SEMA4F: variants seen among roughly 807,000 people sequenced by gnomAD.
SEMA4F encodes the protein ssemaphorin 4F, also known as semaphorin-4F.
In SEMA4F, 51 loss-of-function variants were observed where a neutral mutation model predicts 78.4. That is an observed-to-expected ratio of 0.65 (90% CI 0.52 to 0.82). The LOEUF (loss-of-function observed/expected upper bound fraction) is 0.82, where lower values mean the gene tolerates loss of function less well. SEMA4F is among the 40% of genes least tolerant of loss of function. The pLI is 0.00. For synonymous variants in SEMA4F, 418 were observed against 408.7 expected, an observed-to-expected ratio of 1.02 and a Z score of -0.27; for missense variants, 938 against 1,014.4, an observed-to-expected ratio of 0.92 and a Z score of 1.02.
the SEMA4F span, among the ~76,000 whole-genome samples, chr2:74,705,006 A>G: frequency 6.6e-6 from 1 of 152,190 alleles, no homozygotes; most frequent in African/African-American, 2.4e-5. Context: ...CACTCATCCT[A>G]GAAGGGAAAG....
Position 74,654,553 on chromosome 2 carries a change from T to C in SEMA4F, c.145+32T>C, listed in dbSNP as rs753822083. 5 of 1,515,164 alleles carry C rather than the reference T, an allele frequency of 3.3e-6. No individual in the cohort carries two copies. The Admixed American group carries it at 6.0e-5, about 18-fold the overall frequency. 93.9% of individuals were successfully genotyped at this position (1,515,164 alleles called of 1,614,324 possible). A position where few individuals can be genotyped will look rare whatever the true frequency, so the allele number is the denominator to read the frequency against. Reference sequence around the variant, plus strand: ...CGCGGACGCCCACGCCCTCAGCCCTTCGCGCCCACACCCACACCCACACCC... The same window carrying C: ...CGCGGACGCCCACGCCCTCAGCCCTCCGCGCCCACACCCACACCCACACCC... On this transcript the variant is annotated intron_variant, in intron 1 of 13. Coordinates refer to ENST00000357877, the MANE Select transcript of SEMA4F (RefSeq NM_004263.5).
In SEMA4F at chr2:74,669,023, G is replaced by T. The variant is rs149252065; in HGVS notation, c.551-4434G>T. Among the ~76,000 whole-genome samples, 467 of 152,130 alleles carry T rather than the reference G, an allele frequency of 3.1e-3. 2 individuals are homozygous for T. Among genetic ancestry groups the T allele is most frequent in the African/African-American group, 0.011 (444 of 41,444 alleles). On this transcript the variant is annotated intron_variant, in intron 5 of 13. Coordinates refer to ENST00000357877, the MANE Select transcript of SEMA4F (RefSeq NM_004263.5). ...CACCTGTAATCCCAGCAATTTGGGAGGCCAAGGTGGGAAGATTGCTTTAGC... is the reference window on the plus strand; with the variant it reads ...CACCTGTAATCCCAGCAATTTGGGATGCCAAGGTGGGAAGATTGCTTTAGC...
At chr2:74,659,207 A>T (rs1684310907) in intron 4 of SEMA4F, among the ~76,000 whole-genome samples, 1 of 152,064 alleles carries the variant, frequency 6.6e-6, no homozygotes, top group African/African-American at 2.4e-5. Context: ...GTTCTCCTTA[A>T]GTTTATAAGG....
intron 7 of SEMA4F, 93 bp downstream of exon 7, chr2:74,673,921 C>T (rs902965836): frequency 8.7e-6 from 12 of 1,375,818 alleles, no homozygotes; most frequent in Non-Finnish European, 1.2e-5. Flanking sequence ...CTTTGAATCT[C>T]TCCTGTGTCT....
At chr2:74,702,601 C>A in the SEMA4F span, among the ~76,000 whole-genome samples, 1 of 152,078 alleles carries the variant, frequency 6.6e-6, no homozygotes. Flanking sequence ...ATCCTAGAAA[C>A]CTGGATTCCG....
At chr2:74,657,980 A>C (rs1684242621) in intron 4 of SEMA4F, 29 bp downstream of exon 4, 1 of 1,594,316 alleles carries the variant, frequency 6.3e-7, no homozygotes, top group Non-Finnish European at 8.6e-7. Flanking sequence ...GGAGAGGGAG[A>C]GGGTGCCTGC....
In SEMA4F at chr2:74,658,606, C is replaced by T. The variant is rs1407753122; in HGVS notation, c.456+655C>T. ...GGACATCACCAGCCTCAAACACAGG[C>T]AGGCTTGGGACATGTGTATCCTAAT... On this transcript the variant is annotated intron_variant, in intron 4 of 13. Transcript: ENST00000357877. This position sits in a 1 kb window ranked among gnomAD's most constrained non-coding sequence, Gnocchi z 4.3. 5.3e-5 allele frequency among the ~76,000 whole-genome samples: 8 copies of T among 152,372 alleles called. No homozygotes were observed. The East Asian group carries it at 1.5e-3, about 29-fold the overall frequency.
Position 74,681,584 on chromosome 2 carries a change from C to G in SEMA4F, c.*1375C>G, listed in dbSNP as rs1180501593. ...TGAGTCTGACTGACTGTGGCCAGTC[C>G]CTGGACTGGTAGCTGCTGGAGGCCT... On this transcript the variant is annotated 3_prime_UTR_variant, in exon 14 of 14. Coordinates refer to ENST00000357877, the MANE Select transcript of SEMA4F (RefSeq NM_004263.5). 6.6e-6 allele frequency: 1 copy of G among 152,656 alleles called. No homozygotes were observed. Among genetic ancestry groups the G allele is most frequent in the African/African-American group, 2.4e-5 (1 of 41,434 alleles). 9.5% of individuals were successfully genotyped at this position (152,656 alleles called of 1,614,324 possible).
chr2:74,689,093 A>G, the SEMA4F span, among the ~76,000 whole-genome samples: 14 of 152,304 alleles, frequency 9.2e-5, no homozygotes, highest in East Asian at 2.5e-3. Context: ...GAACCCAAAG[A>G]TACCTCATTC....
rs763014931 is a variant in SEMA4F, at chr2:74,679,676, G to A, written c.1780G>A (p.Ala594Thr). ...GCCATGTTCTCCAAGCTCAGCATGGGCATCCTGTGTGTGGCACCAGCCCAG... is the reference window on the plus strand; with the variant it reads ...GCCATGTTCTCCAAGCTCAGCATGGACATCCTGTGTGTGGCACCAGCCCAG... ...VLPCSPSSAW[A>T]SCVWHQPSGV... The change falls in exon 14 of 14, where the codon GCA becomes ACA. Residue 594 changes from alanine to threonine, a missense_variant. Transcript: ENST00000357877. The A allele has an allele frequency of 3.1e-6, 5 of 1,613,850 alleles. No individual in the cohort carries two copies. Among genetic ancestry groups the A allele is most frequent in the Non-Finnish European group, 4.2e-6 (5 of 1,179,984 alleles).
the SEMA4F span, among the ~76,000 whole-genome samples, chr2:74,702,189 A>G: frequency 7.2e-5 from 11 of 152,132 alleles, no homozygotes; most frequent in African/African-American, 1.4e-4. Context: ...CAACTCCCCA[A>G]TTTATATCTC....
At position 74,662,605 on chromosome 2, in the gene SEMA4F, T is replaced by A. The variant is rs1053722486; in HGVS notation, c.457-127T>A. ...CTGACTGGTAATATGGGGATGATAG[T>A]TGGGGGTAGGGAGTGGAAGGGGAGA... On this transcript the variant is annotated intron_variant, in intron 4 of 13. Transcript: ENST00000357877. 6.6e-6 allele frequency: 5 copies of A among 762,734 alleles called. No individual in the cohort carries two copies. The African/African-American group carries it at 8.5e-5, about 13-fold the overall frequency. 47.2% of individuals were successfully genotyped at this position (762,734 alleles called of 1,614,324 possible).
chr2:74,668,415 A>C (rs912890877), intron 5 of SEMA4F, among the ~76,000 whole-genome samples: 2 of 152,230 alleles, frequency 1.3e-5, no homozygotes, highest in Non-Finnish European at 2.9e-5. Flanking sequence ...AGGTAGAGTC[A>C]ACACTGCATC....
At chr2:74,702,366 C>A in the SEMA4F span, among the ~76,000 whole-genome samples, 10 of 151,520 alleles carry the variant, frequency 6.6e-5, no homozygotes, top group Admixed American at 1.3e-4. Flanking sequence ...GTTTATGATA[C>A]AGCTAAAATT....
Position 74,655,129 on chromosome 2 carries a change from C to T in SEMA4F, c.145+608C>T. The T allele has an allele frequency of 9.7e-6, 2 of 206,700 alleles. 1 individual carries two copies. The highest frequency in any genetic ancestry group is 1.4e-4 in the South Asian group (2 of 14,326). The allele number at this position is 206,700 out of a possible 1,614,324, so 12.8% of individuals were successfully genotyped here. A position where few individuals can be genotyped will look rare whatever the true frequency, so the allele number is the denominator to read the frequency against. On this transcript the variant is annotated intron_variant, in intron 1 of 13. Transcript: ENST00000357877. ...CCCTGACATCTCTGACAGCAGCTCC[C>T]ATTCTCCCATTATTGGATCCACGTT...
At chr2:74,696,291 G>A in the SEMA4F span, among the ~76,000 whole-genome samples, 4 of 149,846 alleles carry the variant, frequency 2.7e-5, no homozygotes, top group Non-Finnish European at 5.9e-5. Context: ...CACCGCCCAG[G>A]TTCAAGCGAT....
chr2:74,689,419 A>G, the SEMA4F span, among the ~76,000 whole-genome samples: 143 of 152,348 alleles, frequency 9.4e-4, no homozygotes, highest in African/African-American at 3.4e-3. Context: ...TGAAATTAGT[A>G]CACACTCTAT....
chr2:74,694,847 T>C, the SEMA4F span, among the ~76,000 whole-genome samples: 1 of 152,224 alleles, frequency 6.6e-6, no homozygotes, highest in Non-Finnish European at 1.5e-5. Flanking sequence ...GTACATTGAC[T>C]GGTTAATGTA....
chr2:74,657,510 G>C lies in SEMA4F; in HGVS notation c.298-55G>C. 6.0e-6 allele frequency: 9 copies of C among 1,512,092 alleles called. No homozygotes were observed. The South Asian group carries it at 1.0e-4, about 17-fold the overall frequency. The allele number at this position is 1,512,092 out of a possible 1,614,324, so 93.7% of individuals were successfully genotyped here. On this transcript the variant is annotated intron_variant, in intron 2 of 13. Transcript: ENST00000357877. ...GAACAGTTTAATCTCCTCTAACATC[G>C]AGGGAGTTTGATGTTAGGGGAATCT... is the stretch of plus-strand genomic sequence containing the variant.
Sources: allele counts gnomAD v4.1 joint callset (sites outside exome capture counted in the v4.1 genomes callset), GRCh38; gene constraint gnomAD v4.1.1; non-coding constraint Gnocchi (gnomAD v3.1); transcripts MANE v1.5; gene names NCBI Gene and HGNC (gene_info 2026-07-23, HGNC 2026-07-21).